The following AKAP6 variants were observed in gnomAD, a reference collection of about 807,000 sequenced individuals.
AKAP6 encodes A-kinase anchoring protein 6, also known as A-kinase anchor protein 6.
A neutral mutation model predicts 188.5 loss-of-function variants in AKAP6; 58 were observed. The ratio of observed to expected loss-of-function variants is 0.31; its 90% CI spans 0.25 to 0.38. The LOEUF is 0.38. AKAP6 is among the 10% of genes least tolerant of loss of function. AKAP6 has a pLI of 1.00. For missense variants in AKAP6, 2,710 were observed against 2,740.0 expected (o/e 0.99, Z 0.24); for synonymous variants, 989 against 998.6 (o/e 0.99, Z 0.18).
intron 7 of AKAP6, among the ~76,000 whole-genome samples, chr14:32,635,076 A>C (rs1236117588): frequency 1.3e-5 from 2 of 152,014 alleles, no homozygotes; most frequent in Non-Finnish European, 2.9e-5. Flanking sequence ...AGAGAAGATC[A>C]TTCCTAGCTA....
chr14:32,485,684 G>A (rs1203968524), intron 2 of AKAP6, among the ~76,000 whole-genome samples: 2 of 151,822 alleles, frequency 1.3e-5, no homozygotes, highest in Non-Finnish European at 2.9e-5. Context: ...TTGTAAATTT[G>A]TTTAAGTTCC....
At chr14:32,614,377 A>T (rs1886470098) in intron 7 of AKAP6, among the ~76,000 whole-genome samples, 1 of 152,194 alleles carries the variant, frequency 6.6e-6, no homozygotes, top group Non-Finnish European at 1.5e-5. Flanking sequence ...ATCTCTGGAA[A>T]GCCTGCATTT....
At chr14:32,801,866 T>C (rs1324890435) in intron 12 of AKAP6, among the ~76,000 whole-genome samples, 1 of 152,204 alleles carries the variant, frequency 6.6e-6, no homozygotes, top group African/African-American at 2.4e-5. Flanking sequence ...AGAAGTCCAC[T>C]GTAGTTCTTA....
intron 2 of AKAP6, among the ~76,000 whole-genome samples, chr14:32,510,460 GTGTATATATATA>G: frequency 2.1e-5 from 1 of 46,940 alleles, no homozygotes; most frequent in East Asian, 5.5e-4. Flanking sequence ...ACATATATAT[GTGTATATATATA>G]TATACATATA....
At chr14:32,778,921 A>AT (rs1485646880) in intron 12 of AKAP6, among the ~76,000 whole-genome samples, 1 of 151,796 alleles carries the variant, frequency 6.6e-6, no homozygotes, top group African/African-American at 2.4e-5. Context: ...TCATTTAAAA[A>AT]AAAATAAAAG....
At chr14:32,716,144 T>A (rs547564806) in intron 9 of AKAP6, among the ~76,000 whole-genome samples, 4 of 152,124 alleles carry the variant, frequency 2.6e-5, no homozygotes, top group South Asian at 2.1e-4. Flanking sequence ...TTAATTTTTT[T>A]AATTTTCTTA....
chr14:32,441,863 T>C (rs942836279), intron 2 of AKAP6, among the ~76,000 whole-genome samples: 21 of 152,244 alleles, frequency 1.4e-4, no homozygotes, highest in Middle Eastern at 3.2e-3. Flanking sequence ...TTAGAGAAAG[T>C]AATACATTTC....
chr14:32,458,590 A>G (rs1418888013), intron 2 of AKAP6, among the ~76,000 whole-genome samples: 3 of 152,142 alleles, frequency 2.0e-5, no homozygotes, highest in South Asian at 2.1e-4. Context: ...CAAAGTTATT[A>G]TTTTTTACAA....
intron 5 of AKAP6, among the ~76,000 whole-genome samples, chr14:32,580,860 T>C (rs1338067096): frequency 6.6e-6 from 1 of 152,206 alleles, no homozygotes; most frequent in Non-Finnish European, 1.5e-5. Flanking sequence ...ATTTCATCCA[T>C]GTCCCTGCAA....
intron 1 of AKAP6, among the ~76,000 whole-genome samples, chr14:32,358,021 T>TCAG (rs1369942172): frequency 1.3e-5 from 2 of 152,226 alleles, no homozygotes; most frequent in African/African-American, 4.8e-5. Flanking sequence ...AAGCTAACTT[T>TCAG]CAGCACATCC....
At chr14:32,781,314 C>A (rs751061136) in intron 12 of AKAP6, among the ~76,000 whole-genome samples, 18 of 150,436 alleles carry the variant, frequency 1.2e-4, no homozygotes, top group African/African-American at 9.8e-5. Flanking sequence ...CGCCATTGCA[C>A]TCCAGCCTGG....
At chr14:32,776,773 T>G (rs942117167) in intron 12 of AKAP6, among the ~76,000 whole-genome samples, 3 of 152,142 alleles carry the variant, frequency 2.0e-5, no homozygotes, top group African/African-American at 7.2e-5. Context: ...CTTTCTTGCT[T>G]AATAAGGCCT....
At chr14:32,660,483 A>G (rs189540679) in intron 7 of AKAP6, among the ~76,000 whole-genome samples, 305 of 152,212 alleles carry the variant, frequency 2.0e-3, no homozygotes, top group Middle Eastern at 6.8e-3. Flanking sequence ...AGAAACTTCA[A>G]TGTGTTGGTT....
chr14:32,747,203 C>A (rs1445385292), intron 11 of AKAP6, among the ~76,000 whole-genome samples: 4 of 152,136 alleles, frequency 2.6e-5, no homozygotes, highest in Non-Finnish European at 5.9e-5. Flanking sequence ...CCTCTGACCC[C>A]AAAACCACAT....
chr14:32,407,010 A>G (rs986319004), intron 1 of AKAP6, among the ~76,000 whole-genome samples: 10 of 152,210 alleles, frequency 6.6e-5, no homozygotes, highest in African/African-American at 2.4e-4. Flanking sequence ...GGCAAGTGCC[A>G]TTCTGGATCA....
intron 4 of AKAP6, among the ~76,000 whole-genome samples, chr14:32,554,487 A>G (rs988136222): frequency 5.9e-5 from 9 of 152,222 alleles, no homozygotes. Flanking sequence ...GCTCAGGGTC[A>G]TAATGCTGCA....
At chr14:32,417,310 A>G (rs1266733580) in intron 1 of AKAP6, among the ~76,000 whole-genome samples, 1 of 152,188 alleles carries the variant, frequency 6.6e-6, no homozygotes, top group East Asian at 1.9e-4. Flanking sequence ...AAATCTTGTC[A>G]TATTTTAACA....
intron 11 of AKAP6, among the ~76,000 whole-genome samples, chr14:32,770,905 G>A (rs563749830): frequency 6.6e-6 from 1 of 152,204 alleles, no homozygotes; most frequent in African/African-American, 2.4e-5. Context: ...AGATCAGGGA[G>A]GTAGGGATGT....
intron 7 of AKAP6, among the ~76,000 whole-genome samples, chr14:32,650,782 C>G (rs76867066): frequency 0.015 from 2,353 of 152,146 alleles, 52 homozygotes; most frequent in African/African-American, 0.052. Flanking sequence ...TTTGCGTTTA[C>G]CTAGACTATG....
Sources: gnomAD v4.1 joint callset for allele counts (sites outside exome capture counted in the v4.1 genomes callset) on GRCh38, gnomAD v4.1.1 for gene constraint, MANE v1.5 for transcripts, NCBI Gene and HGNC (gene_info 2026-07-23, HGNC 2026-07-21) for gene names.